The following TAOK3 variants were observed in gnomAD, a reference collection of about 807,000 sequenced individuals.
The protein encoded by TAOK3 is serine/threonine-protein kinase TAO3.
TAOK3 carries 40 observed loss-of-function variants against 120.4 expected under a neutral mutation model. The ratio of observed to expected loss-of-function variants is 0.33; its 90% CI spans 0.26 to 0.43. The LOEUF is 0.43. Among genes scored for constraint, TAOK3 ranks in the 20% least tolerant of loss-of-function variants. TAOK3 has a pLI of 1.00. For missense variants in TAOK3, 821 were observed against 1,112.1 expected, an observed-to-expected ratio of 0.74 and a Z score of 3.72; for synonymous variants, 355 against 387.5, an observed-to-expected ratio of 0.92 and a Z score of 0.99.
intron 14 of TAOK3, among the ~76,000 whole-genome samples, chr12:118,183,267 TG>T (rs1373855732): frequency 6.6e-6 from 1 of 152,206 alleles, no homozygotes; most frequent in African/African-American, 2.4e-5. Flanking sequence ...AAGGTGGCCC[TG>T]CATACTAAAT....
At chr12:118,320,831 T>C (rs1258811091) in intron 1 of TAOK3, among the ~76,000 whole-genome samples, 2 of 152,064 alleles carry the variant, frequency 1.3e-5, no homozygotes, top group Non-Finnish European at 2.9e-5. Flanking sequence ...CTGCTATTTA[T>C]AATGATAATT....
chr12:118,211,344 T>C (rs1160532336), intron 11 of TAOK3, among the ~76,000 whole-genome samples: 2 of 152,210 alleles, frequency 1.3e-5, no homozygotes, highest in African/African-American at 4.8e-5. Context: ...ATCTCCTGTG[T>C]CTTCCAAATG....
intron 1 of TAOK3, among the ~76,000 whole-genome samples, chr12:118,353,285 C>T (rs1220737495): frequency 2.0e-5 from 3 of 152,084 alleles, no homozygotes; most frequent in Non-Finnish European, 1.5e-5. Context: ...GTACACTTCA[C>T]ACAGGATCTT....
intron 2 of TAOK3, among the ~76,000 whole-genome samples, chr12:118,264,293 A>G (rs2041354608): frequency 6.6e-6 from 1 of 152,268 alleles, no homozygotes; most frequent in African/African-American, 2.4e-5. Context: ...TGTTCACAGT[A>G]GCTTTAATAG....
At chr12:118,163,482 T>A (rs2035361581) in intron 17 of TAOK3, among the ~76,000 whole-genome samples, 1 of 151,168 alleles carries the variant, frequency 6.6e-6, no homozygotes, top group East Asian at 1.9e-4. Context: ...GGTCTCACTA[T>A]GTTGCCCAGG....
At chr12:118,190,913 C>G (rs370480954) in intron 13 of TAOK3, among the ~76,000 whole-genome samples, 10 of 152,208 alleles carry the variant, frequency 6.6e-5, no homozygotes, top group Non-Finnish European at 1.0e-4. Context: ...GAAAAAAGGA[C>G]GCTATAGTAA....
In TAOK3 at chr12:118,292,516, A is replaced by G. The variant is rs530390887; in HGVS notation, c.-193-25757T>C. Reference sequence around the variant, plus strand: ...CAGGCACTGTACATTATCTCATTTTACCCTTAACACTATGAAAGAGTTACT... The same window carrying G: ...CAGGCACTGTACATTATCTCATTTTGCCCTTAACACTATGAAAGAGTTACT... On this transcript the variant is annotated intron_variant, in intron 1 of 20. Transcript: ENST00000392533. 9.2e-5 allele frequency among the ~76,000 whole-genome samples: 14 copies of G among 152,214 alleles called. No individual in the cohort carries two copies. In the South Asian group the frequency reaches 2.7e-3, roughly 29 times the overall value.
At chr12:118,203,097 T>C (rs911313341) in intron 11 of TAOK3, among the ~76,000 whole-genome samples, 5 of 152,046 alleles carry the variant, frequency 3.3e-5, no homozygotes, top group African/African-American at 1.2e-4. Context: ...ATTCTTATTA[T>C]AACTTGCCTC....
intron 7 of TAOK3, among the ~76,000 whole-genome samples, chr12:118,237,584 C>T (rs895189961): frequency 6.6e-6 from 1 of 152,052 alleles, no homozygotes. Context: ...GAGCCCTGGT[C>T]TCTTCATATG....
intron 1 of TAOK3, among the ~76,000 whole-genome samples, chr12:118,299,634 C>G (rs2042805300): frequency 6.6e-6 from 1 of 152,060 alleles, no homozygotes; most frequent in Admixed American, 6.6e-5. Flanking sequence ...CTCGGCCTCC[C>G]CACTAGCTGG....
chr12:118,302,806 T>G (rs2042925494), intron 1 of TAOK3, among the ~76,000 whole-genome samples: 1 of 152,222 alleles, frequency 6.6e-6, no homozygotes, highest in Admixed American at 6.5e-5. Context: ...TTAACTATGA[T>G]GACCTCTCAA....
chr12:118,170,117 C>T (rs2035907013), intron 17 of TAOK3, among the ~76,000 whole-genome samples: 1 of 152,136 alleles, frequency 6.6e-6, no homozygotes, highest in African/African-American at 2.4e-5. Flanking sequence ...CCAGCCTTGT[C>T]CATATCCTAT....
At chr12:118,227,270 T>C (rs146436683) in intron 9 of TAOK3, among the ~76,000 whole-genome samples, 1,715 of 147,354 alleles carry the variant, frequency 0.012, 16 homozygotes, top group Middle Eastern at 0.022. Flanking sequence ...TAAAATTATG[T>C]TATAATTTTA....
chr12:118,244,723 T>A (rs2040413302), intron 4 of TAOK3, among the ~76,000 whole-genome samples, 171 bp downstream of exon 4: 1 of 151,768 alleles, frequency 6.6e-6, no homozygotes, highest in Non-Finnish European at 1.5e-5. Context: ...AGAGATGGGG[T>A]TTCATCATGT....
chr12:118,218,149 T>C (rs924791503), intron 9 of TAOK3, among the ~76,000 whole-genome samples: 1 of 151,980 alleles, frequency 6.6e-6, no homozygotes, highest in Admixed American at 6.6e-5. Context: ...CTCAATAGGA[T>C]ACTTTATACT....
At chr12:118,171,065 G>A (rs2035968277) in intron 17 of TAOK3, among the ~76,000 whole-genome samples, 1 of 152,104 alleles carries the variant, frequency 6.6e-6, no homozygotes, top group African/African-American at 2.4e-5. Context: ...ATGATTTTCT[G>A]TTGAACACAG....
At chr12:118,165,155 T>C (rs544942573) in intron 17 of TAOK3, among the ~76,000 whole-genome samples, 1 of 152,356 alleles carries the variant, frequency 6.6e-6, no homozygotes, top group African/African-American at 2.4e-5. Flanking sequence ...TGTTTTATTT[T>C]TCTTCTTTAC....
At chr12:118,359,152 G>GTGAGGCT (rs2045509000) in intron 1 of TAOK3, 2 of 152,150 alleles carry the variant, frequency 1.3e-5, no homozygotes, top group South Asian at 2.1e-4. Flanking sequence ...AGTTTTTTAA[G>GTGAGGCT]TGAGGCTTAA....
Position 118,360,567 on chromosome 12 carries a change from C to CAA in TAOK3, c.-194+12079_-194+12080dup, listed in dbSNP as rs34592832. ...CGGGCGACACAGCGAGACTCCGTCT[C>CAA]AAAAAAAAAAAAAAAAAAAAAGTAT... On this transcript the variant is annotated intron_variant, in intron 1 of 20. Coordinates refer to ENST00000392533, the MANE Select transcript of TAOK3 (RefSeq NM_016281.4). 5.6e-3 allele frequency among the ~76,000 whole-genome samples: 482 copies of CAA among 85,818 alleles called. 14 individuals are homozygous for CAA. The highest frequency in any genetic ancestry group is 0.01 in the African/African-American group (218 of 21,046). The allele number at this position is 85,818 out of a possible 152,430, so 56.3% of individuals were successfully genotyped here. A position where few individuals can be genotyped will look rare whatever the true frequency, so the allele number is the denominator to read the frequency against.
Sources: gnomAD v4.1 joint callset for allele counts (sites outside exome capture counted in the v4.1 genomes callset) on GRCh38, gnomAD v4.1.1 for gene constraint, MANE v1.5 for transcripts, NCBI Gene and HGNC (gene_info 2026-07-23, HGNC 2026-07-21) for gene names.